NRXN3: variants seen among roughly 807,000 people sequenced by gnomAD.
NRXN3 encodes the protein neurexin III.
Under a neutral mutation model 137.6 loss-of-function variants are expected in NRXN3, and 32 were observed. The ratio of observed to expected loss-of-function variants is 0.23; its 90% CI spans 0.18 to 0.31. The LOEUF (loss-of-function observed/expected upper bound fraction) is 0.31, where lower values mean the gene tolerates loss of function less well. Among genes scored for constraint, NRXN3 ranks in the 10% least tolerant of loss-of-function variants. NRXN3 has a pLI of 1.00. For missense variants in NRXN3, 1,574 were observed against 2,062.5 expected, an observed-to-expected ratio of 0.76 and a Z score of 4.59; for synonymous variants, 798 against 784.5, an observed-to-expected ratio of 1.02 and a Z score of -0.29.
At chr14:79,811,529 T>C (rs1305476724) in intron 20 of NRXN3, among the ~76,000 whole-genome samples, 1 of 152,092 alleles carries the variant, frequency 6.6e-6, no homozygotes, top group Non-Finnish European at 1.5e-5. Flanking sequence ...ATACAGTTTT[T>C]GTCTTTGTTA....
chr14:78,187,943 A>T (rs181025055), intron 1 of NRXN3, among the ~76,000 whole-genome samples: 2 of 152,192 alleles, frequency 1.3e-5, no homozygotes, highest in Non-Finnish European at 2.9e-5. Context: ...AGCTCTAATT[A>T]CAACTTCACT....
At chr14:78,431,612 A>C (rs1294032234) in intron 4 of NRXN3, among the ~76,000 whole-genome samples, 1 of 152,078 alleles carries the variant, frequency 6.6e-6, no homozygotes, top group Non-Finnish European at 1.5e-5. Flanking sequence ...TGTGTTGGGG[A>C]GTATATCTTT....
At chr14:78,818,384 T>G (rs568087953) in intron 10 of NRXN3, among the ~76,000 whole-genome samples, 1 of 152,214 alleles carries the variant, frequency 6.6e-6, no homozygotes, top group East Asian at 1.9e-4. Context: ...AATTTATTAT[T>G]TATACAAAAT....
chr14:79,122,957 G>A (rs1409036751), intron 15 of NRXN3, among the ~76,000 whole-genome samples: 1 of 152,148 alleles, frequency 6.6e-6, no homozygotes, highest in East Asian at 1.9e-4. Context: ...GGCCAAAGGT[G>A]ACTCTAAATA....
chr14:79,419,643 AAG>A (rs1268785788), intron 15 of NRXN3, among the ~76,000 whole-genome samples: 1 of 151,908 alleles, frequency 6.6e-6, no homozygotes, highest in Non-Finnish European at 1.5e-5. Context: ...AGAAGGATGA[AAG>A]AGAGAGAGAA....
At chr14:78,906,503 C>T (rs1379213184) in intron 10 of NRXN3, among the ~76,000 whole-genome samples, 2 of 152,060 alleles carry the variant, frequency 1.3e-5, no homozygotes, top group African/African-American at 4.8e-5. Flanking sequence ...TTTCTGAACA[C>T]CCTTAACCAT....
intron 10 of NRXN3, among the ~76,000 whole-genome samples, chr14:78,835,366 G>A (rs910659208): frequency 6.6e-6 from 1 of 152,188 alleles, no homozygotes; most frequent in African/African-American, 2.4e-5. Flanking sequence ...GGCGGTGGCA[G>A]CAGTGGGCTG....
chr14:79,326,572 A>T (rs1277062198), intron 15 of NRXN3, among the ~76,000 whole-genome samples: 1 of 152,206 alleles, frequency 6.6e-6, no homozygotes, highest in Non-Finnish European at 1.5e-5. Flanking sequence ...TTTTCTCAGG[A>T]CATGACACTT....
chr14:79,596,273 T>C (rs2097857838), intron 16 of NRXN3, among the ~76,000 whole-genome samples: 1 of 152,136 alleles, frequency 6.6e-6, no homozygotes, highest in Non-Finnish European at 1.5e-5. Flanking sequence ...TTCAAATTGT[T>C]ATTCTCCCAG....
At chr14:78,326,342 T>G (rs2080079424) in intron 4 of NRXN3, among the ~76,000 whole-genome samples, 1 of 152,142 alleles carries the variant, frequency 6.6e-6, no homozygotes, top group South Asian at 2.1e-4. Context: ...AGGAGAGTCA[T>G]GAGTCTGAGA....
At chr14:78,720,463 A>G (rs1483914755) in intron 8 of NRXN3, among the ~76,000 whole-genome samples, 3 of 152,228 alleles carry the variant, frequency 2.0e-5, no homozygotes, top group South Asian at 2.1e-4. Flanking sequence ...ATTGAAAAGC[A>G]GAAATCTTGA....
At chr14:78,579,402 A>G (rs1226038130) in intron 4 of NRXN3, among the ~76,000 whole-genome samples, 1 of 152,192 alleles carries the variant, frequency 6.6e-6, no homozygotes, top group Non-Finnish European at 1.5e-5. Flanking sequence ...CACTGGTGCT[A>G]TGAAAATCAC....
At chr14:79,691,591 T>A (rs920196735) in intron 17 of NRXN3, among the ~76,000 whole-genome samples, 1 of 152,068 alleles carries the variant, frequency 6.6e-6, no homozygotes, top group Non-Finnish European at 1.5e-5. Context: ...GATAATGAGA[T>A]GCAAGGACAT....
chr14:79,420,062 A>G (rs1050738028), intron 15 of NRXN3, among the ~76,000 whole-genome samples: 6 of 151,296 alleles, frequency 4.0e-5, no homozygotes, highest in Non-Finnish European at 5.9e-5. Context: ...TTATGGGAAG[A>G]GATATTTTGG....
chr14:79,774,287 C>G (rs1346991405), intron 19 of NRXN3, among the ~76,000 whole-genome samples: 1 of 152,100 alleles, frequency 6.6e-6, no homozygotes, highest in Non-Finnish European at 1.5e-5. Flanking sequence ...GGTATATTTG[C>G]TCAGCATTTC....
At chr14:78,674,672 C>T (rs947493381) in intron 6 of NRXN3, among the ~76,000 whole-genome samples, 3 of 152,276 alleles carry the variant, frequency 2.0e-5, no homozygotes, top group Non-Finnish European at 2.9e-5. Flanking sequence ...AGAGTAAAAA[C>T]ATCCCAGTAT....
intron 20 of NRXN3, among the ~76,000 whole-genome samples, chr14:79,837,666 T>C (rs17764884): frequency 0.13 from 19,329 of 152,208 alleles, 1,465 homozygotes; most frequent in Middle Eastern, 0.22. Flanking sequence ...TTCTTTGATG[T>C]CATTTTTTGT....
chr14:79,052,618 C>T (rs772966101), intron 15 of NRXN3, among the ~76,000 whole-genome samples: 4 of 152,144 alleles, frequency 2.6e-5, no homozygotes, highest in African/African-American at 4.8e-5. Context: ...TGCCAAATGG[C>T]GTGGGGCTTT....
At chr14:79,072,540 G>A (rs1363331961) in intron 15 of NRXN3, 4 of 152,108 alleles carry the variant, frequency 2.6e-5, no homozygotes, top group African/African-American at 9.7e-5. Flanking sequence ...ATAGCATAAC[G>A]GAGATAATAC....
Sources: gnomAD v4.1 joint callset for allele counts (sites outside exome capture counted in the v4.1 genomes callset) on GRCh38, gnomAD v4.1.1 for gene constraint, MANE v1.5 for transcripts, NCBI Gene and HGNC (gene_info 2026-07-23, HGNC 2026-07-21) for gene names.